Variants in ACP7 observed in about 807,000 individuals in gnomAD.
ACP7 encodes acid phosphatase type 7.
ACP7 carries 58 observed loss-of-function variants against 60.6 expected under a neutral mutation model. The observed-to-expected ratio is 0.96, with a 90% confidence interval of 0.77 to 1.19. The LOEUF (loss-of-function observed/expected upper bound fraction) is 1.19. ACP7 is among the 50% of genes most tolerant of loss of function. ACP7 has a pLI of 0.00. For missense variants in ACP7, 574 were observed against 596.2 expected (o/e 0.96, Z 0.39); for synonymous variants, 237 against 232.6 (o/e 1.02, Z -0.17).
intron 2 of ACP7, among the ~76,000 whole-genome samples, chr19:39,087,736 C>A (rs544374881): frequency 1.3e-5 from 2 of 151,340 alleles, no homozygotes; most frequent in Non-Finnish European, 2.9e-5. Context: ...TGGTTTCAAG[C>A]GATTCTCCTG....
At chr19:39,105,987 GA>G (rs1262333909) in intron 11 of ACP7, among the ~76,000 whole-genome samples, 1 of 152,104 alleles carries the variant, frequency 6.6e-6, no homozygotes, top group Non-Finnish European at 1.5e-5. Flanking sequence ...GCATCTCCTG[GA>G]GAGATACTTT....
intron 2 of ACP7, among the ~76,000 whole-genome samples, chr19:39,085,785 C>T (rs2073134932): frequency 6.6e-6 from 1 of 152,210 alleles, no homozygotes; most frequent in African/African-American, 2.4e-5. Flanking sequence ...CTCTTCTCCT[C>T]TTCCCCACGA....
intron 11 of ACP7, among the ~76,000 whole-genome samples, chr19:39,103,105 T>C (rs1308219324): frequency 6.6e-6 from 1 of 152,156 alleles, no homozygotes; most frequent in East Asian, 1.9e-4. Context: ...CCCAAAGTGC[T>C]GGGATTACAG....
intron 2 of ACP7, among the ~76,000 whole-genome samples, chr19:39,096,264 A>G (rs2073265170): frequency 6.6e-6 from 1 of 152,208 alleles, no homozygotes; most frequent in African/African-American, 2.4e-5. Flanking sequence ...CTTTAACAGG[A>G]CATCTTGAAT....
chr19:39,101,314 G>T lies in ACP7; in HGVS notation c.1000G>T (p.Glu334Ter). 37 of 1,614,192 alleles carry T rather than the reference G, an allele frequency of 2.3e-5. No individual in the cohort carries two copies. The highest frequency in any genetic ancestry group is 3.1e-5 in the Non-Finnish European group (36 of 1,180,042). The change falls in exon 10 of 13, where the codon GAG becomes TAG. Residue 334 changes from glutamate to a stop codon, truncating the protein, a stop_gained. Transcript: ENST00000331256. LOFTEE classifies it high-confidence loss of function. The part of the protein sequence containing the change: ...YGVDLQLWAH[E>*]HSYERLWPIY... ...AGTGGATCTGCAGCTGTGGGCTCAT[G>T]AGCACTCGTATGAACGACTGTGGCC... is the stretch of plus-strand genomic sequence containing the variant.
At chr19:39,086,305 C>CA (rs1299387784) in intron 2 of ACP7, among the ~76,000 whole-genome samples, 2 of 150,946 alleles carry the variant, frequency 1.3e-5, no homozygotes, top group East Asian at 3.9e-4. Flanking sequence ...CCAGCCTGGG[C>CA]AACAGAGAGA....
intron 2 of ACP7, among the ~76,000 whole-genome samples, chr19:39,086,523 G>A (rs1193876719): frequency 6.6e-6 from 1 of 151,796 alleles, no homozygotes; most frequent in Non-Finnish European, 1.5e-5. Flanking sequence ...TCAGCTGCTT[G>A]GGGAGCTGAG....
intron 5 of ACP7, 105 bp from the exon 6 acceptor site, chr19:39,100,475 G>A: frequency 1.2e-6 from 2 of 1,601,554 alleles, no homozygotes; most frequent in Admixed American, 3.3e-5. Flanking sequence ...GAGGAGATGG[G>A]GGTGGGCTGG....
At position 39,107,168 on chromosome 19, in the gene ACP7, C is replaced by T. The variant is rs532191108; in HGVS notation, c.1251+84C>T. ...GAGCTGTTAAAAACGTGGGCTCGGC[C>T]GGGCGCAGTGGCTCATGCCTGCAAC... On this transcript the variant is annotated intron_variant, in intron 12 of 12. Coordinates refer to ENST00000331256, the MANE Select transcript of ACP7 (RefSeq NM_001004318.3). 5.2e-5 allele frequency: 71 copies of T among 1,371,936 alleles called. No homozygotes were observed. In the East Asian group the frequency reaches 6.2e-4, roughly 12 times the overall value. The allele number at this position is 1,371,936 out of a possible 1,614,324, so 85.0% of individuals were successfully genotyped here.
intron 2 of ACP7, among the ~76,000 whole-genome samples, chr19:39,092,112 C>T (rs540329184): frequency 6.6e-6 from 1 of 152,062 alleles, no homozygotes; most frequent in South Asian, 2.1e-4. Flanking sequence ...GTGGCTCACA[C>T]CTGTAATCTC....
chr19:39,100,207 C>T lies in ACP7; in HGVS notation c.506-20C>T, dbSNP rs371860746. The T allele has an allele frequency of 6.2e-7, 1 of 1,604,038 alleles. No individual in the cohort carries two copies. On this transcript the variant is annotated intron_variant, in intron 4 of 12. Coordinates refer to ENST00000331256, the MANE Select transcript of ACP7 (RefSeq NM_001004318.3). Reference sequence around the variant, plus strand: ...AGAGCTGGGCCTGGGTCCTCACCCTCCTTCCGCCCCCTCCCCCAGGAGACT... The same window carrying T: ...AGAGCTGGGCCTGGGTCCTCACCCTTCTTCCGCCCCCTCCCCCAGGAGACT...
rs200758416 is a variant in ACP7, at chr19:39,101,156, A to G, written c.922A>G (p.Lys308Glu). ...DCTRHESKVR[K>E]GLQGKLYGLE... ...GCTCATTCACCCTGCCCAGGTCCGC[A>G]AAGGCCTCCAAGGCAAGCTGTACGG... is the stretch of plus-strand genomic sequence containing the variant. The change falls in exon 9 of 13, where the codon AAA becomes GAA. Residue 308 changes from lysine to glutamate, a missense_variant. Physicochemically the swap from Lys to Glu is moderately conservative, Grantham distance 56 (BLOSUM62 1). Coordinates refer to ENST00000331256, the MANE Select transcript of ACP7 (RefSeq NM_001004318.3). The G allele has an allele frequency of 1.5e-5, 25 of 1,613,942 alleles. No homozygotes were observed. The East Asian group carries it at 5.1e-4, about 33-fold the overall frequency.
In ACP7 at chr19:39,101,297, T is replaced by C. The variant is rs762985964; in HGVS notation, c.983T>C (p.Leu328Pro). The C allele has an allele frequency of 6.2e-7, 1 of 1,614,214 alleles. No homozygotes were observed. Among genetic ancestry groups the C allele is most frequent in the Non-Finnish European group, 8.5e-7 (1 of 1,180,042 alleles). The change falls in exon 10 of 13, where the codon CTG becomes CCG. Residue 328 changes from leucine to proline, a missense_variant. By Grantham distance (98) the Leu-to-Pro change is moderately conservative. Transcript: ENST00000331256. The part of the protein sequence containing the change: ...EDLFYKYGVD[L>P]QLWAHEHSYE... ...GCTTGCTCTATCTCAGGAGTGGATC[T>C]GCAGCTGTGGGCTCATGAGCACTCG...
At chr19:39,108,139 ATTT>A (rs35561896) in intron 12 of ACP7, among the ~76,000 whole-genome samples, 27,403 of 134,814 alleles carry the variant, frequency 0.2, 2,464 homozygotes, top group Non-Finnish European at 0.22. Flanking sequence ...CACTCATCTA[ATTT>A]TTTTTTTTTT....
At chr19:39,104,403 C>T (rs1405173802) in intron 11 of ACP7, among the ~76,000 whole-genome samples, 3 of 152,110 alleles carry the variant, frequency 2.0e-5, no homozygotes, top group Non-Finnish European at 4.4e-5. Flanking sequence ...AAGTCCAGTG[C>T]TTGGGCCTGA....
chr19:39,102,760 T>TC (rs1491235758), intron 11 of ACP7, among the ~76,000 whole-genome samples: 5 of 80,578 alleles, frequency 6.2e-5, no homozygotes, highest in Non-Finnish European at 5.4e-5. Flanking sequence ...TCTTTCTTTC[T>TC]TTCTTTCTCT....
At chr19:39,084,829 G>A (rs1189045798) in intron 1 of ACP7, among the ~76,000 whole-genome samples, 1 of 152,052 alleles carries the variant, frequency 6.6e-6, no homozygotes, top group Non-Finnish European at 1.5e-5. Flanking sequence ...GTGAGCTCTG[G>A]TTAGGAGCAA....
At chr19:39,094,937 C>T (rs1048831700) in intron 2 of ACP7, among the ~76,000 whole-genome samples, 1 of 152,092 alleles carries the variant, frequency 6.6e-6, no homozygotes, top group Admixed American at 6.6e-5. Context: ...AAGCAGAAAT[C>T]CTTGATAAAA....
chr19:39,094,049 T>C (rs893960167), intron 2 of ACP7, among the ~76,000 whole-genome samples: 1 of 152,208 alleles, frequency 6.6e-6, no homozygotes, highest in Non-Finnish European at 1.5e-5. Context: ...CATTTTTGTA[T>C]GGCTGGAGGA....
Sources: gnomAD v4.1 joint callset for allele counts (sites outside exome capture counted in the v4.1 genomes callset) on GRCh38, gnomAD v4.1.1 for gene constraint, MANE v1.5 for transcripts, NCBI Gene and HGNC (gene_info 2026-07-23, HGNC 2026-07-21) for gene names.